The following ZNF624 variants were observed in gnomAD, a reference collection of about 807,000 sequenced individuals.
The protein encoded by ZNF624 is zinc finger protein 624.
In ZNF624, 43 loss-of-function variants were observed where a neutral mutation model predicts 74.7. That is an observed-to-expected ratio of 0.58 (90% confidence interval 0.45 to 0.74). The LOEUF (loss-of-function observed/expected upper bound fraction) is 0.74, where lower values mean the gene tolerates loss of function less well. Among genes scored for constraint, ZNF624 ranks in the 30% least tolerant of loss-of-function variants. ZNF624 has a pLI of 0.00. For missense variants in ZNF624, 820 were observed against 1,030.0 expected (o/e 0.80, Z 2.79); for synonymous variants, 331 against 341.3 (o/e 0.97, Z 0.33).
chr17:16,620,380 C>T (rs1908878441), downstream of ZNF624, among the ~76,000 whole-genome samples: 1 of 152,228 alleles, frequency 6.6e-6, no homozygotes, highest in Non-Finnish European at 1.5e-5. Flanking sequence ...AGAAGCTTTA[C>T]ACGGCCTCTT....
intron 5 of ZNF624, among the ~76,000 whole-genome samples, chr17:16,627,612 A>G (rs1769148839): frequency 2.6e-5 from 4 of 152,234 alleles, no homozygotes; most frequent in Non-Finnish European, 5.9e-5. Context: ...GAGAGGCTGA[A>G]TAAGTAAGCA....
chr17:16,623,352 T>C lies in ZNF624; in HGVS notation c.1534A>G (p.Ile512Val), dbSNP rs964005691. 3 of 1,613,430 alleles carry C rather than the reference T, an allele frequency of 1.9e-6. No homozygotes were observed. The highest frequency in any genetic ancestry group is 2.5e-6 in the Non-Finnish European group (3 of 1,179,622). ...CNECGKAFNRIANFTEHQRIH... is the reference protein window; with the variant it reads ...CNECGKAFNRVANFTEHQRIH... ...CGCTGATGTTCTGTGAAATTTGCGA[T>C]GCGGTTGAATGCTTTCCCACATTCA... Residue 512 changes from isoleucine (I) to valine (V), a missense_variant, in exon 6 of 6, where the codon ATC (isoleucine) becomes GTC (valine). By Grantham distance (29) the Ile-to-Val change is conservative. Transcript: ENST00000311331. The surrounding 1 kb of genome is among the most constrained non-coding windows in gnomAD (Gnocchi z 5.3).
intron 5 of ZNF624, among the ~76,000 whole-genome samples, chr17:16,632,233 G>T (rs1006922626): frequency 6.6e-6 from 1 of 152,140 alleles, no homozygotes; most frequent in Non-Finnish European, 1.5e-5. Context: ...CACAGGAGGT[G>T]ACCTCTGTAC....
At chr17:16,631,420 G>C (rs2142595388) in intron 5 of ZNF624, 1 of 152,210 alleles carries the variant, frequency 6.6e-6, no homozygotes, top group South Asian at 2.1e-4. Flanking sequence ...ACTAAAAACA[G>C]TAATGTTTTT....
chr17:16,636,471 TTAGC>T (rs1159686219), intron 3 of ZNF624, among the ~76,000 whole-genome samples: 2 of 152,194 alleles, frequency 1.3e-5, no homozygotes, highest in Non-Finnish European at 1.5e-5. Context: ...AAGGCCTCAG[TTAGC>T]TAGTATATGT....
intron 2 of ZNF624, among the ~76,000 whole-genome samples, chr17:16,649,094 ATAATG>A (rs1429425731): frequency 3.3e-5 from 5 of 152,210 alleles, no homozygotes; most frequent in African/African-American, 4.8e-5. Flanking sequence ...GTTCACCCAA[ATAATG>A]TAATTATTAC....
downstream of ZNF624, chr17:16,617,408 T>C (rs1908812419): frequency 1.2e-6 from 2 of 1,613,388 alleles, no homozygotes. Flanking sequence ...GCACGCTTCA[T>C]GTCAGAGTAG....
At chr17:16,647,288 A>C in intron 3 of ZNF624, 41 bp downstream of exon 3, 1 of 1,524,320 alleles carries the variant, frequency 6.6e-7, no homozygotes, top group Non-Finnish European at 9.1e-7. Context: ...TAAAATAGGC[A>C]TTTTCTCTGT....
intron 3 of ZNF624, among the ~76,000 whole-genome samples, chr17:16,641,954 A>G (rs1320425249): frequency 6.6e-6 from 1 of 152,230 alleles, no homozygotes; most frequent in Non-Finnish European, 1.5e-5. Flanking sequence ...AAAGATGTGT[A>G]AAACATGCAC....
downstream of ZNF624, chr17:16,617,666 GC>G: frequency 6.2e-7 from 1 of 1,601,860 alleles, no homozygotes; most frequent in Non-Finnish European, 8.5e-7. Flanking sequence ...TGCGACGCGG[GC>G]CCCGGGCGTG....
intron 5 of ZNF624, among the ~76,000 whole-genome samples, chr17:16,627,912 T>C (rs1454904776): frequency 1.3e-5 from 2 of 152,164 alleles, no homozygotes; most frequent in Non-Finnish European, 2.9e-5. Flanking sequence ...CTCCTAATAT[T>C]ACTATAGATT....
Position 16,623,418 on chromosome 17 carries a change from G to A in ZNF624, c.1468C>T (p.His490Tyr). Residue 490 changes from histidine (H) to tyrosine (Y), a missense_variant, in exon 6 of 6, where the codon CAT becomes TAT. By Grantham distance (83) the His-to-Tyr change is moderately conservative. Transcript: ENST00000311331. The surrounding 1 kb of genome is among the most constrained non-coding windows in gnomAD (Gnocchi z 5.3). ...AYRSNSSLIV[H>Y]IRTHTGEKPY... ...TTTTCCCCAGTGTGAGTTCTTATATGTACGATAAGGCTTGAATTACTTCTA... is the reference window on the plus strand; with the variant it reads ...TTTTCCCCAGTGTGAGTTCTTATATATACGATAAGGCTTGAATTACTTCTA... 1 of 1,613,996 alleles carries A rather than the reference G, an allele frequency of 6.2e-7. No homozygotes were observed. The highest frequency in any genetic ancestry group is 8.5e-7 in the Non-Finnish European group (1 of 1,179,954).
At chr17:16,619,001 T>C (rs1438965519), downstream of ZNF624, among the ~76,000 whole-genome samples, 1 of 152,206 alleles carries the variant, frequency 6.6e-6, no homozygotes, top group Non-Finnish European at 1.5e-5. Flanking sequence ...TCAACTGTAC[T>C]ATCAGTTTTC....
In ZNF624 at chr17:16,649,654, T is replaced by G; in HGVS notation, c.87+4A>C. On this transcript the variant is annotated splice_donor_region_variant and intron_variant, in intron 2 of 5. Transcript: ENST00000311331. ...TAGGTCAAAAACAGGGAATCCCAAC[T>G]TACCAGGCGTCCAACTGAGAAAAAC... 1 of 1,613,844 alleles carries G rather than the reference T, an allele frequency of 6.2e-7. No individual in the cohort carries two copies. The highest frequency in any genetic ancestry group is 8.5e-7 in the Non-Finnish European group (1 of 1,179,768).
intron 3 of ZNF624, among the ~76,000 whole-genome samples, chr17:16,635,942 A>G (rs1324711211): frequency 1.3e-5 from 2 of 152,144 alleles, no homozygotes; most frequent in Admixed American, 1.3e-4. Context: ...ACCATAACCA[A>G]TAAGGTGGCA....
At chr17:16,649,774 C>A in intron 1 of ZNF624, 28 bp from the exon 2 acceptor site, 1 of 1,578,800 alleles carries the variant, frequency 6.3e-7, no homozygotes, top group Non-Finnish European at 8.7e-7. Flanking sequence ...GCCATGGAAA[C>A]CAATCCTGCC....
chr17:16,624,243 T>A lies in ZNF624; in HGVS notation c.643A>T (p.Ile215Phe), dbSNP rs747625705. ...FESILIPEPG[I>F]ATEELHSRCQ... is the part of the protein sequence containing the mutation. ...CTGCTGTGAAGCTCTTCTGTGGCAATGCCTGGTTCTGGAATAAGAATAGAT... is the reference window on the plus strand; with the variant it reads ...CTGCTGTGAAGCTCTTCTGTGGCAAAGCCTGGTTCTGGAATAAGAATAGAT... Residue 215 changes from isoleucine (I) to phenylalanine (F), a missense_variant, in exon 6 of 6, where the codon ATT (isoleucine) becomes TTT (phenylalanine). Ile to Phe is a conservative substitution (Grantham distance 21, BLOSUM62 0). Transcript: ENST00000311331. 30 of 1,614,098 alleles carry A rather than the reference T, an allele frequency of 1.9e-5. No individual in the cohort carries two copies. The highest frequency in any genetic ancestry group is 1.5e-4 in the Admixed American group (9 of 60,012).
downstream of ZNF624, chr17:16,617,317 CG>C (rs1908810821): frequency 6.2e-7 from 1 of 1,613,638 alleles, no homozygotes; most frequent in South Asian, 1.1e-5. Flanking sequence ...AGAGTAAGAT[CG>C]CCTATGGCTT....
Position 16,634,055 on chromosome 17 carries a change from T to C in ZNF624, c.281-98A>G. 1.5e-5 allele frequency: 14 copies of C among 904,460 alleles called. No homozygotes were observed. In the South Asian group the frequency reaches 2.2e-4, roughly 14 times the overall value. The allele number at this position is 904,460 out of a possible 1,614,324, so 56.0% of individuals were successfully genotyped here. A position where few individuals can be genotyped will look rare whatever the true frequency, so the allele number is the denominator to read the frequency against. Reference sequence around the variant, plus strand: ...CTTAATCTTCTGGGCAGAATGACCATTACAGGAAGTTCTAGAGCTGCACTG... The same window carrying C: ...CTTAATCTTCTGGGCAGAATGACCACTACAGGAAGTTCTAGAGCTGCACTG... On this transcript the variant is annotated intron_variant, in intron 4 of 5. Transcript: ENST00000311331.
Sources: gnomAD v4.1 joint callset for allele counts (sites outside exome capture counted in the v4.1 genomes callset) on GRCh38, gnomAD v4.1.1 for gene constraint, Gnocchi (gnomAD v3.1) non-coding constraint, MANE v1.5 for transcripts, NCBI Gene and HGNC (gene_info 2026-07-23, HGNC 2026-07-21) for gene names.